The following ARMH4 variants were observed in gnomAD, a reference collection of about 807,000 sequenced individuals.
ARMH4 encodes armadillo-like helical domain-containing protein 4.
A neutral mutation model predicts 61.9 loss-of-function variants in ARMH4; 49 were observed. The observed-to-expected ratio is 0.79, with a 90% CI of 0.63 to 1.00. The LOEUF (loss-of-function observed/expected upper bound fraction) is 1.00. Ranked by LOEUF, ARMH4 falls within the 50% of genes least tolerant of loss-of-function variation. ARMH4 has a pLI of 0.00. For synonymous variants in ARMH4, 368 were observed against 341.5 expected (o/e 1.08, Z -0.85); for missense variants, 934 against 930.0 (o/e 1.00, Z -0.06).
chr14:58,034,990 A>G (rs1883420499), intron 5 of ARMH4, among the ~76,000 whole-genome samples: 1 of 108,324 alleles, frequency 9.2e-6, no homozygotes, highest in African/African-American at 3.3e-5. Flanking sequence ...CATTAGACAG[A>G]TCCATGAGAC....
chr14:58,124,064 G>A (rs912586167), intron 4 of ARMH4, among the ~76,000 whole-genome samples: 7 of 152,142 alleles, frequency 4.6e-5, no homozygotes, highest in African/African-American at 7.2e-5. Context: ...AAACCCTAAA[G>A]CAACTAAGAG....
At chr14:58,099,979 C>T (rs1316818359) in intron 4 of ARMH4, among the ~76,000 whole-genome samples, 1 of 152,158 alleles carries the variant, frequency 6.6e-6, no homozygotes, top group African/African-American at 2.4e-5. Flanking sequence ...TTATAAGGTA[C>T]TTAAAACTAA....
intron 5 of ARMH4, among the ~76,000 whole-genome samples, chr14:58,018,430 G>C (rs1288157293): frequency 2.0e-5 from 3 of 146,960 alleles, no homozygotes; most frequent in Non-Finnish European, 3.0e-5. Context: ...TGAATAGCAA[G>C]AAAACAAATA....
Position 58,139,466 on chromosome 14 carries a change from A to G in ARMH4, c.-56-52T>C, listed in dbSNP as rs1302773178. The G allele has an allele frequency of 6.4e-5, 64 of 1,005,564 alleles. 1 individual carries two copies. Among genetic ancestry groups the G allele is most frequent in the Admixed American group, 9.7e-5 (4 of 41,214 alleles). 62.3% of individuals were successfully genotyped at this position (1,005,564 alleles called of 1,614,324 possible). ...TGTCATATAAATACATGTTGTAAAT[A>G]AGTCTCTTTAAATTAAACCATAAGT... On this transcript the variant is annotated intron_variant, in intron 1 of 7. Coordinates refer to ENST00000267485, the MANE Select transcript of ARMH4 (RefSeq NM_001001872.4).
intron 2 of ARMH4, 134 bp downstream of exon 2, chr14:58,137,856 G>A (rs1230048268): frequency 4.5e-6 from 4 of 897,950 alleles, no homozygotes; most frequent in South Asian, 1.8e-5. Flanking sequence ...GAAAATGCTG[G>A]GATTATAGGC....
At position 58,092,232 on chromosome 14, in the gene ARMH4, C is replaced by A. The variant is rs577631470; in HGVS notation, c.2089+4492G>T. Among the ~76,000 whole-genome samples, 22 of 152,054 alleles carry A rather than the reference C, an allele frequency of 1.4e-4. 1 individual carries two copies. Among genetic ancestry groups the A allele is most frequent in the Non-Finnish European group, 2.6e-4 (18 of 68,014 alleles). On this transcript the variant is annotated intron_variant, in intron 5 of 7. Transcript: ENST00000267485. Reference sequence around the variant, plus strand: ...GTGATAACCTATAAATAAAACAACCCCATTTAAAAATAGGAATGAAGCGGA... The same window carrying A: ...GTGATAACCTATAAATAAAACAACCACATTTAAAAATAGGAATGAAGCGGA...
At position 58,042,901 on chromosome 14, in the gene ARMH4, C is replaced by G. The variant is rs879121791; in HGVS notation, c.2090-30751G>C. 3.9e-5 allele frequency among the ~76,000 whole-genome samples: 6 copies of G among 152,178 alleles called. No homozygotes were observed. In the East Asian group the frequency reaches 7.7e-4, roughly 20 times the overall value. On this transcript the variant is annotated intron_variant, in intron 5 of 7. Coordinates refer to ENST00000267485, the MANE Select transcript of ARMH4 (RefSeq NM_001001872.4). ...TCTCCCAAGACTAAACCAGGAAGAA[C>G]TTGAATCTCTGAATAGAGACAACTT...
chr14:58,105,169 C>T (rs1245130334), intron 4 of ARMH4, among the ~76,000 whole-genome samples: 1 of 152,116 alleles, frequency 6.6e-6, no homozygotes, highest in African/African-American at 2.4e-5. Flanking sequence ...TAACAGGATC[C>T]CTGGCCCAAG....
At chr14:58,117,383 T>C (rs554747475) in intron 4 of ARMH4, among the ~76,000 whole-genome samples, 1 of 152,302 alleles carries the variant, frequency 6.6e-6, no homozygotes, top group South Asian at 2.1e-4. Flanking sequence ...AAAAGATAAA[T>C]TATAGGTTGG....
Position 58,131,614 on chromosome 14 carries a change from G to A in ARMH4, c.1729C>T (p.Leu577Phe), listed in dbSNP as rs1887101841. 2 of 1,614,186 alleles carry A rather than the reference G, an allele frequency of 1.2e-6. No homozygotes were observed. The highest frequency in any genetic ancestry group is 1.7e-6 in the Non-Finnish European group (2 of 1,180,018). The change falls in exon 4 of 8, where the codon CTT (leucine) becomes TTT (phenylalanine). Residue 577 changes from leucine (L) to phenylalanine (F), a missense_variant. Transcript: ENST00000267485. ...MVGEPSISPA[L>F]PALEASSERR... The stretch of plus-strand genomic sequence containing the variant: ...TCAGAGGATGCCTCCAAAGCAGGAA[G>A]TGCAGGGGAAATGCTGGGTTCCCCC...
At chr14:58,039,185 T>C (rs1423730553) in intron 5 of ARMH4, among the ~76,000 whole-genome samples, 3 of 152,208 alleles carry the variant, frequency 2.0e-5, no homozygotes, top group Non-Finnish European at 4.4e-5. Flanking sequence ...AGAACTGAAC[T>C]ATCATTTGAG....
chr14:58,150,800 C>G (rs892678492), intron 1 of ARMH4, among the ~76,000 whole-genome samples: 8 of 152,124 alleles, frequency 5.3e-5, no homozygotes, highest in African/African-American at 1.9e-4. Flanking sequence ...CTTTAAACCT[C>G]TGTGTGTAAA....
intron 4 of ARMH4, among the ~76,000 whole-genome samples, chr14:58,105,459 G>A (rs1886138846): frequency 6.6e-6 from 1 of 152,186 alleles, no homozygotes; most frequent in Non-Finnish European, 1.5e-5. Flanking sequence ...GCCGAGGCAG[G>A]TGGATCACGA....
At chr14:58,149,776 T>C (rs1169338289) in intron 1 of ARMH4, among the ~76,000 whole-genome samples, 1 of 152,248 alleles carries the variant, frequency 6.6e-6, no homozygotes, top group Admixed American at 6.5e-5. Flanking sequence ...GCTGGTTATA[T>C]TTTTTCAAAG....
intron 5 of ARMH4, among the ~76,000 whole-genome samples, chr14:58,084,560 C>T (rs1279232795): frequency 1.3e-5 from 2 of 152,140 alleles, no homozygotes; most frequent in Non-Finnish European, 2.9e-5. Context: ...CAGGTATTTA[C>T]CCCCAAGGAT....
At position 58,012,152 on chromosome 14, in the gene ARMH4, T is replaced by C. The variant is rs749770477; in HGVS notation, c.2090-2A>G. ...TTAATTTTTCCATCCAGCTTCTCAC[T>C]AGGAAAAAAATAAGATAATAAAATG... On this transcript the variant is annotated splice_acceptor_variant, in intron 5 of 7. Coordinates refer to ENST00000267485, the MANE Select transcript of ARMH4 (RefSeq NM_001001872.4). LOFTEE classifies it high-confidence loss of function. 2.2e-6 allele frequency: 3 copies of C among 1,383,418 alleles called. No individual in the cohort carries two copies. Among genetic ancestry groups the C allele is most frequent in the Admixed American group, 4.3e-5 (2 of 46,494 alleles). The allele number at this position is 1,383,418 out of a possible 1,614,324, so 85.7% of individuals were successfully genotyped here. A position where few individuals can be genotyped will look rare whatever the true frequency, so the allele number is the denominator to read the frequency against.
At chr14:58,069,742 A>G (rs1313668003) in intron 5 of ARMH4, among the ~76,000 whole-genome samples, 1 of 152,184 alleles carries the variant, frequency 6.6e-6, no homozygotes, top group Non-Finnish European at 1.5e-5. Context: ...ATTTTATCCT[A>G]TAGGTAATAT....
Position 58,133,223 on chromosome 14 carries a change from T to C in ARMH4, c.1488A>G (p.Glu496=), listed in dbSNP as rs1167328993. Residue 496 remains glutamate (E), a synonymous_variant, in exon 3 of 8, where the codon GAA becomes GAG. Transcript: ENST00000267485. ...ACACAGGAGAGGGGTCCTCCTTTTC[T>C]TCCTCAGTCTTGCCACTGTCTCTGA... ...ELIRDSGKTE[E]EKEDPSPVSD... 6.2e-7 allele frequency: 1 copy of C among 1,614,056 alleles called. No individual in the cohort carries two copies. Among genetic ancestry groups the C allele is most frequent in the East Asian group, 2.2e-5 (1 of 44,896 alleles).
At chr14:58,023,008 C>CA (rs1025737920) in intron 5 of ARMH4, among the ~76,000 whole-genome samples, 1 of 152,092 alleles carries the variant, frequency 6.6e-6, no homozygotes, top group Non-Finnish European at 1.5e-5. Context: ...ACTTTATTAC[C>CA]AAAAAATGCT....
Sources: allele counts gnomAD v4.1 joint callset (sites outside exome capture counted in the v4.1 genomes callset), GRCh38; gene constraint gnomAD v4.1.1; transcripts MANE v1.5; gene names NCBI Gene and HGNC (gene_info 2026-07-23, HGNC 2026-07-21).